Variants in NXPH1 observed in about 807,000 individuals in gnomAD.
The protein encoded by NXPH1 is neurexophilin 1.
A neutral mutation model predicts 23.7 loss-of-function variants in NXPH1; 5 were observed. That is an observed-to-expected ratio of 0.21 (90% CI 0.11 to 0.44). The LOEUF (loss-of-function observed/expected upper bound fraction) is 0.44. NXPH1 is among the 20% of genes least tolerant of loss of function. NXPH1 has a pLI of 0.99. For missense variants in NXPH1, 324 were observed against 321.6 expected (o/e 1.01, Z -0.06); for synonymous variants, 144 against 122.2 (o/e 1.18, Z -1.18).
intron 2 of NXPH1, among the ~76,000 whole-genome samples, chr7:8,720,446 A>G (rs755366437): frequency 1.3e-5 from 2 of 152,226 alleles, no homozygotes; most frequent in Non-Finnish European, 2.9e-5. Context: ...GTATTAACAT[A>G]TGATGGAAAT....
chr7:8,546,547 G>A (rs1818200063), intron 2 of NXPH1, among the ~76,000 whole-genome samples: 1 of 151,420 alleles, frequency 6.6e-6, no homozygotes. Context: ...TTCTGTTTCA[G>A]TAGGTCTGGA....
intron 2 of NXPH1, among the ~76,000 whole-genome samples, chr7:8,565,762 C>A (rs1287624512): frequency 6.6e-6 from 1 of 151,684 alleles, no homozygotes; most frequent in East Asian, 1.9e-4. Context: ...ACCTCTTGGC[C>A]CATCGTTACT....
chr7:8,473,737 G>GTGT (rs1816913267), intron 2 of NXPH1, among the ~76,000 whole-genome samples: 2 of 144,720 alleles, frequency 1.4e-5, no homozygotes, highest in Admixed American at 1.4e-4. Context: ...TGCTGTGTGT[G>GTGT]TTTTTTTTTT....
At chr7:8,565,342 A>G (rs1818522055) in intron 2 of NXPH1, among the ~76,000 whole-genome samples, 1 of 151,842 alleles carries the variant, frequency 6.6e-6, no homozygotes, top group South Asian at 2.1e-4. Context: ...TTAAGCACGC[A>G]ATGCAGGATC....
At chr7:8,717,555 C>T (rs1037781414) in intron 2 of NXPH1, among the ~76,000 whole-genome samples, 1 of 152,148 alleles carries the variant, frequency 6.6e-6, no homozygotes, top group Non-Finnish European at 1.5e-5. Context: ...AAAGACTACC[C>T]TCTAAGTCCC....
rs1368543367 is a variant in NXPH1 at position 8,710,640 on chromosome 7, G to GTTTTTTTTTTTT, written c.55-40362_55-40361insTTTTTTTTTTTT. Among the ~76,000 whole-genome samples the GTTTTTTTTTTTT allele has an allele frequency of 7.2e-5, 2 of 27,672 alleles. 1 individual carries two copies. The allele number at this position is 27,672 out of a possible 152,430, so 18.2% of individuals were successfully genotyped here. On this transcript the variant is annotated intron_variant, in intron 2 of 2. Transcript: ENST00000405863. ...TTGAACAAAGCATGTCAACTGTTAC[G>GTTTTTTTTTTTT]TTTTTTGTTTTTTTTTTTTTTTTTT...
intron 2 of NXPH1, among the ~76,000 whole-genome samples, chr7:8,658,774 A>C (rs1820621135): frequency 6.6e-6 from 1 of 152,310 alleles, no homozygotes; most frequent in East Asian, 1.9e-4. Context: ...AGGTCAACCA[A>C]TTTAGGTTAC....
intron 2 of NXPH1, among the ~76,000 whole-genome samples, chr7:8,622,286 G>A (rs1819892638): frequency 6.6e-6 from 1 of 152,184 alleles, no homozygotes; most frequent in Admixed American, 6.6e-5. Flanking sequence ...GAATGAGGAT[G>A]TTGTTATTCC....
intron 2 of NXPH1, among the ~76,000 whole-genome samples, chr7:8,738,775 T>C (rs561567058): frequency 1.2e-4 from 19 of 152,258 alleles, no homozygotes; most frequent in African/African-American, 4.3e-4. Flanking sequence ...GTTTTATCTA[T>C]AAGCCCCTGA....
At chr7:8,624,318 A>G (rs1318423839) in intron 2 of NXPH1, among the ~76,000 whole-genome samples, 4 of 152,190 alleles carry the variant, frequency 2.6e-5, no homozygotes, top group Non-Finnish European at 5.9e-5. Flanking sequence ...TCCAGTGAAT[A>G]TGAGCTTTCC....
At chr7:8,504,716 A>C (rs561312303) in intron 2 of NXPH1, among the ~76,000 whole-genome samples, 1 of 152,148 alleles carries the variant, frequency 6.6e-6, no homozygotes, top group East Asian at 1.9e-4. Flanking sequence ...TATTTGGGGT[A>C]ATTGATTCAT....
chr7:8,730,341 T>C (rs1338416310), intron 2 of NXPH1, among the ~76,000 whole-genome samples: 7 of 149,290 alleles, frequency 4.7e-5, no homozygotes, highest in African/African-American at 1.5e-4. Context: ...TCCATTTACA[T>C]TTAAAGTTAA....
intron 2 of NXPH1, among the ~76,000 whole-genome samples, chr7:8,653,922 A>G (rs1023310037): frequency 6.6e-6 from 1 of 152,224 alleles, no homozygotes; most frequent in Admixed American, 6.5e-5. Flanking sequence ...TATCGTTAGA[A>G]AAATGTAGAT....
intron 2 of NXPH1, among the ~76,000 whole-genome samples, chr7:8,727,571 C>T (rs1456714493): frequency 6.6e-6 from 1 of 152,012 alleles, no homozygotes; most frequent in Non-Finnish European, 1.5e-5. Context: ...GCCAGGTTTC[C>T]CAGCACCATT....
intron 2 of NXPH1, among the ~76,000 whole-genome samples, chr7:8,481,791 T>A (rs1308025193): frequency 6.6e-6 from 1 of 152,180 alleles, no homozygotes; most frequent in African/African-American, 2.4e-5. Flanking sequence ...GTAATGAGCA[T>A]AGCACCTGTT....
intron 2 of NXPH1, among the ~76,000 whole-genome samples, chr7:8,481,454 G>A (rs778021165): frequency 6.6e-6 from 1 of 151,966 alleles, no homozygotes; most frequent in Non-Finnish European, 1.5e-5. Context: ...GAGGGTATTG[G>A]GAAATAAAAT....
chr7:8,631,360 G>A (rs1235467907), intron 2 of NXPH1, among the ~76,000 whole-genome samples: 1 of 152,108 alleles, frequency 6.6e-6, no homozygotes, highest in Non-Finnish European at 1.5e-5. Flanking sequence ...CAGGACATAG[G>A]GATCGGGAAA....
At chr7:8,741,846 G>A (rs1160426922) in intron 2 of NXPH1, among the ~76,000 whole-genome samples, 1 of 152,000 alleles carries the variant, frequency 6.6e-6, no homozygotes, top group Non-Finnish European at 1.5e-5. Flanking sequence ...AACCATACAG[G>A]TAATTTATTA....
intron 2 of NXPH1, among the ~76,000 whole-genome samples, chr7:8,516,394 G>C (rs542267032): frequency 6.6e-6 from 1 of 152,044 alleles, no homozygotes; most frequent in African/African-American, 2.4e-5. Context: ...TATTTGTTTC[G>C]TTGTCTACTG....
Sources: gnomAD v4.1 joint callset for allele counts (sites outside exome capture counted in the v4.1 genomes callset) on GRCh38, gnomAD v4.1.1 for gene constraint, MANE v1.5 for transcripts, NCBI Gene and HGNC (gene_info 2026-07-23, HGNC 2026-07-21) for gene names.